CAMK2B: variants seen among roughly 807,000 people sequenced by gnomAD.
CAMK2B encodes the protein calcium/calmodulin-dependent protein kinase type II subunit beta.
A neutral mutation model predicts 93.7 loss-of-function variants in CAMK2B; 27 were observed. That is an observed-to-expected ratio of 0.29 (90% CI 0.21 to 0.40). The LOEUF is 0.40. Ranked by LOEUF, CAMK2B falls within the 10% of genes least tolerant of loss-of-function variation. CAMK2B has a pLI of 1.00. For missense variants in CAMK2B, 568 were observed against 895.8 expected (o/e 0.63, Z 4.67); for synonymous variants, 374 against 358.8 (o/e 1.04, Z -0.48).
In CAMK2B at chr7:44,225,720, G is replaced by A. The variant is rs2096467219; in HGVS notation, c.1597+796C>T. The A allele has an allele frequency of 1.6e-6, 2 of 1,288,834 alleles. No individual in the cohort carries two copies. The highest frequency in any genetic ancestry group is 2.5e-5 in the South Asian group (2 of 80,992). The allele number at this position is 1,288,834 out of a possible 1,614,324, so 79.8% of individuals were successfully genotyped here. A position where few individuals can be genotyped will look rare whatever the true frequency, so the allele number is the denominator to read the frequency against. On this transcript the variant is annotated intron_variant, in intron 20 of 23. Transcript: ENST00000395749. The surrounding 1 kb of genome is among the most constrained non-coding windows in gnomAD (Gnocchi z 5.0). ...CAGCCCCCAGGCCCAGCCTGCAGAG[G>A]GGACGGTGGCAAGCAGACCCCACCT...
In CAMK2B at chr7:44,293,228, G is replaced by A. The variant is rs563968800; in HGVS notation, c.66-9003C>T. 4.0e-4 allele frequency among the ~76,000 whole-genome samples: 61 copies of A among 152,336 alleles called. 2 individuals carry two copies. The South Asian group carries it at 8.5e-3, about 21-fold the overall frequency. On this transcript the variant is annotated intron_variant, in intron 1 of 23. Coordinates refer to ENST00000395749, the MANE Select transcript of CAMK2B (RefSeq NM_001220.5). ...CTAAATTTCCTCCCAGATACTGAGC[G>A]CCGGCTCATCCTCTGGTCAAGCCAG...
intron 1 of CAMK2B, among the ~76,000 whole-genome samples, chr7:44,306,971 A>G (rs1026512725): frequency 3.0e-5 from 1 of 33,832 alleles, no homozygotes; most frequent in African/African-American, 1.0e-4. Context: ...AGGATGTGAG[A>G]AAGGGGAGGA....
intron 2 of CAMK2B, among the ~76,000 whole-genome samples, chr7:44,277,173 G>A (rs1021103942): frequency 1.3e-5 from 2 of 152,180 alleles, no homozygotes; most frequent in Admixed American, 6.5e-5. Flanking sequence ...GCAAGCGGGC[G>A]GGGGGTTGGG....
At chr7:44,298,623 G>T (rs1788981671) in intron 1 of CAMK2B, among the ~76,000 whole-genome samples, 1 of 152,166 alleles carries the variant, frequency 6.6e-6, no homozygotes, top group African/African-American at 2.4e-5. Flanking sequence ...TAAAATATTT[G>T]CAATTCACCT....
intron 1 of CAMK2B, among the ~76,000 whole-genome samples, chr7:44,289,469 C>T (rs1244336113): frequency 2.6e-5 from 4 of 152,196 alleles, no homozygotes; most frequent in Admixed American, 6.5e-5. Context: ...CCAAGATTAC[C>T]GGCTCTTGGG....
chr7:44,246,470 C>T (rs2096731195), intron 6 of CAMK2B, among the ~76,000 whole-genome samples: 1 of 152,026 alleles, frequency 6.6e-6, no homozygotes, highest in Non-Finnish European at 1.5e-5. Context: ...TACACGCACA[C>T]ATGTACCCAC....
At chr7:44,288,232 C>G (rs148118081) in intron 1 of CAMK2B, among the ~76,000 whole-genome samples, 1 of 152,248 alleles carries the variant, frequency 6.6e-6, no homozygotes, top group Non-Finnish European at 1.5e-5. Flanking sequence ...TCTCCACCAG[C>G]GCACAGAGGC....
intron 3 of CAMK2B, chr7:44,259,379 AC>A (rs1245318390): frequency 5.6e-6 from 1 of 177,624 alleles, no homozygotes; most frequent in Non-Finnish European, 1.2e-5. Context: ...CTCATTATTC[AC>A]CCTGGGTCTT....
Position 44,315,883 on chromosome 7 carries a change from T to C in CAMK2B, c.65+9474A>G, listed in dbSNP as rs182236784. 3.9e-4 allele frequency among the ~76,000 whole-genome samples: 60 copies of C among 152,334 alleles called. No individual in the cohort carries two copies. In the East Asian group the frequency reaches 8.5e-3, roughly 22 times the overall value. The stretch of plus-strand genomic sequence containing the variant: ...GAACTTCTAGTCCATTGAAATACAA[T>C]GGATTTTTGTATATTGGTCTTACAT... On this transcript the variant is annotated intron_variant, in intron 1 of 23. Transcript: ENST00000395749.
At chr7:44,299,959 A>C (rs12670115) in intron 1 of CAMK2B, among the ~76,000 whole-genome samples, 1 of 152,124 alleles carries the variant, frequency 6.6e-6, no homozygotes, top group Non-Finnish European at 1.5e-5. Context: ...TACCATGCTA[A>C]CAATAATTAA....
At chr7:44,270,357 G>T (rs562686914) in intron 2 of CAMK2B, among the ~76,000 whole-genome samples, 4 of 152,144 alleles carry the variant, frequency 2.6e-5, no homozygotes, top group Non-Finnish European at 5.9e-5. Context: ...CTGTGCCAGC[G>T]TCTGGTTCCT....
Position 44,224,746 on chromosome 7 carries a change from C to A in CAMK2B, c.1597+1770G>T, listed in dbSNP as rs774743306. Reference sequence around the variant, plus strand: ...ATCAGGCTGGATTGTGTATAATCCGCGATTAGAGAGCGTGGGTGGGGAGGA... The same window carrying A: ...ATCAGGCTGGATTGTGTATAATCCGAGATTAGAGAGCGTGGGTGGGGAGGA... On this transcript the variant is annotated intron_variant, in intron 20 of 23. Coordinates refer to ENST00000395749, the MANE Select transcript of CAMK2B (RefSeq NM_001220.5). The surrounding 1 kb of genome is among the most constrained non-coding windows in gnomAD (Gnocchi z 4.4). Among the ~76,000 whole-genome samples, 6 of 151,960 alleles carry A rather than the reference C, an allele frequency of 3.9e-5. No individual in the cohort carries two copies. The highest frequency in any genetic ancestry group is 8.8e-5 in the Non-Finnish European group (6 of 67,986).
intron 5 of CAMK2B, among the ~76,000 whole-genome samples, chr7:44,251,628 C>T (rs562608279): frequency 1.8e-4 from 28 of 152,314 alleles, no homozygotes; most frequent in African/African-American, 6.5e-4. Flanking sequence ...AGGCCGTGTG[C>T]CCCCTCGCTC....
intron 1 of CAMK2B, among the ~76,000 whole-genome samples, chr7:44,295,644 G>A (rs1356585053): frequency 6.6e-6 from 1 of 152,218 alleles, no homozygotes; most frequent in Non-Finnish European, 1.5e-5. Context: ...GATTCTCACA[G>A]CGAAGACTGG....
Position 44,228,805 on chromosome 7 carries a change from A to C in CAMK2B, c.1459T>G (p.Ser487Ala), listed in dbSNP as rs759218951. The change falls in exon 19 of 24, where the codon TCC becomes GCC. Residue 487 changes from serine to alanine, a missense_variant. Physicochemically the swap from Ser to Ala is moderately conservative, Grantham distance 99. Around this residue, in one of 4 missense-constraint regions of CAMK2B, gnomAD observed 308 missense variants for 292.1 expected, o/e 1.05. Coordinates refer to ENST00000395749, the MANE Select transcript of CAMK2B (RefSeq NM_001220.5). The part of the protein sequence containing the change: ...CLSPALLGPL[S>A]SPSPRISDIL... The stretch of plus-strand genomic sequence containing the variant: ...GGGGGCCACTACTTACACGGGGAGG[A>C]CAGGGGGCCTAGGAGAGCCGGAGAC... 4 of 1,500,874 alleles carry C rather than the reference A, an allele frequency of 2.7e-6. No homozygotes were observed. In the Admixed American group the frequency reaches 1.0e-4, roughly 37 times the overall value. The allele number at this position is 1,500,874 out of a possible 1,614,324, so 93.0% of individuals were successfully genotyped here.
In CAMK2B at chr7:44,234,407, G is replaced by A; in HGVS notation, c.1114C>T (p.Leu372Phe). Residue 372 changes from leucine to phenylalanine, a missense_variant, in exon 15 of 24, where the codon CTT (leucine) becomes TTT (phenylalanine). This residue lies in a region of CAMK2B where 308 missense variants were observed against 292.1 expected (regional missense o/e 1.05). Coordinates refer to ENST00000395749, the MANE Select transcript of CAMK2B (RefSeq NM_001220.5). The part of the protein sequence containing the change: ...SAAATSPKGT[L>F]PPAALEPQTT... ...CTCAGTACCAGGGCGGCAGGAGGAA[G>A]CGTCCCTTTGGGGCTGGTGGCGGCT... 1.3e-6 allele frequency: 2 copies of A among 1,535,302 alleles called. No individual in the cohort carries two copies. The highest frequency in any genetic ancestry group is 1.7e-6 in the Non-Finnish European group (2 of 1,144,296).
chr7:44,248,668 A>T lies in CAMK2B; in HGVS notation c.342-1476T>A, dbSNP rs762735555. Among the ~76,000 whole-genome samples the T allele has an allele frequency of 3.3e-5, 5 of 152,220 alleles. No individual in the cohort carries two copies. The highest frequency in any genetic ancestry group is 9.7e-5 in the African/African-American group (4 of 41,446). On this transcript the variant is annotated intron_variant, in intron 5 of 23. Coordinates refer to ENST00000395749, the MANE Select transcript of CAMK2B (RefSeq NM_001220.5). This position sits in a 1 kb window ranked among gnomAD's most constrained non-coding sequence, Gnocchi z 4.1. ...GATGAGTGGGCTTTGTTTTCCTAAC[A>T]GCAAATTCAGAGAAGACACGAGAGG... is the stretch of plus-strand genomic sequence containing the variant.
chr7:44,249,643 A>T (rs1011046788), intron 5 of CAMK2B, among the ~76,000 whole-genome samples: 56 of 152,118 alleles, frequency 3.7e-4, no homozygotes, highest in African/African-American at 1.3e-3. Flanking sequence ...AGGTGGAGTG[A>T]TATGTGCAGA....
rs757763364 is a variant in CAMK2B at position 44,232,913 on chromosome 7, GA to G, written c.1132-48del. 29 of 1,560,208 alleles carry G rather than the reference GA, an allele frequency of 1.9e-5. No individual in the cohort carries two copies. The South Asian group carries it at 3.0e-4, about 16-fold the overall frequency. ...GAGGAAGGAAAGAGAGGGAAAGTGA[GA>G]AGAGGAGGAAGCGGAGACCACCAGG... is the stretch of plus-strand genomic sequence containing the variant. On this transcript the variant is annotated intron_variant, in intron 15 of 23. Coordinates refer to ENST00000395749, the MANE Select transcript of CAMK2B (RefSeq NM_001220.5).
Sources: gnomAD v4.1 joint callset for allele counts (sites outside exome capture counted in the v4.1 genomes callset) on GRCh38, gnomAD v4.1.1 for gene constraint, gnomAD v4.1.1 regional missense constraint, Gnocchi (gnomAD v3.1) non-coding constraint, MANE v1.5 for transcripts, NCBI Gene and HGNC (gene_info 2026-07-23, HGNC 2026-07-21) for gene names.